The following CDH12 variants were observed in gnomAD, a reference collection of about 807,000 sequenced individuals.
The protein encoded by CDH12 is cadherin 12, also known as cadherin-12.
A neutral mutation model predicts 74.1 loss-of-function variants in CDH12; 41 were observed. The ratio of observed to expected loss-of-function variants is 0.55; its 90% CI spans 0.43 to 0.72. The LOEUF (loss-of-function observed/expected upper bound fraction) is 0.72, where lower values mean the gene tolerates loss of function less well. Among genes scored for constraint, CDH12 ranks in the 30% least tolerant of loss-of-function variants. The pLI, the probability that CDH12 is intolerant of heterozygous loss-of-function variation, is 0.00. For synonymous variants in CDH12, 399 were observed against 355.0 expected (o/e 1.12, Z -1.39); for missense variants, 945 against 977.2 (o/e 0.97, Z 0.44).
chr5:22,813,793 G>A (rs994500737), intron 1 of CDH12, among the ~76,000 whole-genome samples: 1 of 152,062 alleles, frequency 6.6e-6, no homozygotes, highest in African/African-American at 2.4e-5. Flanking sequence ...TGACCACATT[G>A]TGAACTTAGA....
At chr5:22,308,128 C>A (rs529049463) in intron 3 of CDH12, among the ~76,000 whole-genome samples, 37 of 152,132 alleles carry the variant, frequency 2.4e-4, no homozygotes, top group Admixed American at 2.2e-3. Flanking sequence ...GATCTGCCCA[C>A]CTCGGCCTCC....
At position 21,755,752 on chromosome 5, in the gene CDH12, C is replaced by A; in HGVS notation, c.1724G>T (p.Ser575Ile). Reference sequence around the variant, plus strand: ...GTTTGTGCTGCTCTGGACAGGGTAGCTGCTGTCTTCTATTACAACAGGGAG... The same window carrying A: ...GTTTGTGCTGCTCTGGACAGGGTAGATGCTGTCTTCTATTACAACAGGGAG... ...YFLPVVIEDS[S>I]YPVQSSTNTM... The change falls in exon 14 of 15, where the codon AGC becomes ATC. Residue 575 changes from serine (S) to isoleucine (I), a missense_variant. Ser to Ile is a moderately radical substitution (Grantham distance 142). Around this residue, in one of 3 missense-constraint regions of CDH12, gnomAD observed 791 missense variants for 792.8 expected, o/e 1.00. Transcript: ENST00000382254. The A allele has an allele frequency of 6.2e-7, 1 of 1,614,088 alleles. No homozygotes were observed.
chr5:22,154,467 ATG>A (rs1233938399), intron 4 of CDH12, among the ~76,000 whole-genome samples: 12 of 1,578 alleles, frequency 7.6e-3, no homozygotes, highest in Non-Finnish European at 0.019. Flanking sequence ...ACACATATAT[ATG>A]TACACATATA....
intron 6 of CDH12, among the ~76,000 whole-genome samples, chr5:21,913,882 C>T (rs188173338): frequency 9.9e-5 from 15 of 152,180 alleles, no homozygotes; most frequent in Non-Finnish European, 4.4e-5. Flanking sequence ...AGGAGTCTCA[C>T]TGTGTTTCCC....
At chr5:22,137,068 T>C (rs1046718860) in intron 4 of CDH12, among the ~76,000 whole-genome samples, 1 of 151,644 alleles carries the variant, frequency 6.6e-6, no homozygotes, top group Non-Finnish European at 1.5e-5. Context: ...TATCTCTCTA[T>C]GAAATTCTTT....
intron 10 of CDH12, among the ~76,000 whole-genome samples, chr5:21,801,899 T>A (rs905008759): frequency 6.6e-6 from 1 of 152,288 alleles, no homozygotes; most frequent in East Asian, 1.9e-4. Flanking sequence ...CATGAAGAGT[T>A]GAGATTTGTT....
intron 3 of CDH12, among the ~76,000 whole-genome samples, chr5:22,264,796 C>T (rs550622689): frequency 6.6e-6 from 1 of 152,256 alleles, no homozygotes; most frequent in South Asian, 2.1e-4. Context: ...ATGTCTTCTT[C>T]TCTAACTGTA....
chr5:22,363,906 A>T (rs1253434881), intron 3 of CDH12, among the ~76,000 whole-genome samples: 4 of 152,222 alleles, frequency 2.6e-5, no homozygotes, highest in Non-Finnish European at 5.9e-5. Context: ...GTAACGTGAT[A>T]TTCTGCCAAC....
At chr5:22,777,089 T>G (rs1009978597) in intron 1 of CDH12, among the ~76,000 whole-genome samples, 1 of 152,122 alleles carries the variant, frequency 6.6e-6, no homozygotes, top group Non-Finnish European at 1.5e-5. Context: ...TGTGATAACT[T>G]TATGTTTAAG....
At chr5:22,162,927 C>G (rs1289597577) in intron 4 of CDH12, among the ~76,000 whole-genome samples, 1 of 138,658 alleles carries the variant, frequency 7.2e-6, no homozygotes, top group Non-Finnish European at 1.5e-5. Context: ...GACAGAGTCT[C>G]GCTCTTTCGC....
intron 3 of CDH12, among the ~76,000 whole-genome samples, chr5:22,342,875 G>T (rs1311442060): frequency 6.7e-6 from 1 of 149,200 alleles, no homozygotes; most frequent in African/African-American, 2.5e-5. Context: ...TCTTGATGGA[G>T]TCTCACTCTG....
intron 3 of CDH12, among the ~76,000 whole-genome samples, chr5:22,305,209 C>T (rs908961974): frequency 6.6e-6 from 1 of 152,174 alleles, no homozygotes; most frequent in African/African-American, 2.4e-5. Context: ...GATTATCCTT[C>T]CATCTGCAGG....
At chr5:22,446,710 G>A (rs753459592) in intron 2 of CDH12, among the ~76,000 whole-genome samples, 4 of 151,850 alleles carry the variant, frequency 2.6e-5, no homozygotes, top group Admixed American at 6.6e-5. Flanking sequence ...TTGTCCAATC[G>A]ATTTATTTCT....
chr5:21,924,933 A>G (rs1323532137), intron 6 of CDH12, among the ~76,000 whole-genome samples: 10 of 152,230 alleles, frequency 6.6e-5, no homozygotes, highest in Admixed American at 6.5e-4. Flanking sequence ...TGTATCCAAC[A>G]TATAGCATAT....
intron 3 of CDH12, among the ~76,000 whole-genome samples, chr5:22,345,478 A>C (rs570205008): frequency 6.6e-6 from 1 of 152,352 alleles, no homozygotes; most frequent in East Asian, 1.9e-4. Flanking sequence ...TGTCAGCCAC[A>C]GATTCTTTAA....
intron 5 of CDH12, among the ~76,000 whole-genome samples, chr5:22,063,511 T>C (rs1471849791): frequency 1.3e-5 from 2 of 152,140 alleles, no homozygotes; most frequent in Admixed American, 1.3e-4. Context: ...ACCCCTTTAA[T>C]ATCTTTTAAA....
chr5:22,774,324 C>A (rs1329100049), intron 1 of CDH12, among the ~76,000 whole-genome samples: 2 of 152,206 alleles, frequency 1.3e-5, no homozygotes, highest in Middle Eastern at 3.4e-3. Context: ...TCTTTTACAG[C>A]AACATGGATG....
chr5:22,596,816 C>A (rs936730415), intron 1 of CDH12, among the ~76,000 whole-genome samples: 17 of 152,316 alleles, frequency 1.1e-4, no homozygotes, highest in African/African-American at 3.8e-4. Flanking sequence ...ATAGATCAGA[C>A]ATGTCATCTG....
At chr5:21,752,730 A>C (rs995363875) in intron 14 of CDH12, among the ~76,000 whole-genome samples, 2 of 152,016 alleles carry the variant, frequency 1.3e-5, no homozygotes, top group Non-Finnish European at 2.9e-5. Context: ...GAAAGAGAGA[A>C]GTAGAGGAAG....
Sources: allele counts gnomAD v4.1 joint callset (sites outside exome capture counted in the v4.1 genomes callset), GRCh38; gene constraint gnomAD v4.1.1; regional missense constraint gnomAD v4.1.1; transcripts MANE v1.5; gene names NCBI Gene and HGNC (gene_info 2026-07-23, HGNC 2026-07-21).